Variants in INPP4B observed in about 807,000 individuals in gnomAD.
INPP4B encodes inositol polyphosphate-4-phosphatase type II B, also known as inositol polyphosphate 4-phosphatase type II.
Under a neutral mutation model 122.5 loss-of-function variants are expected in INPP4B, and 55 were observed. The observed-to-expected ratio is 0.45, with a 90% CI of 0.36 to 0.56. INPP4B has a LOEUF of 0.56. Ranked by LOEUF, INPP4B falls within the 20% of genes least tolerant of loss-of-function variation. The pLI is 0.00. For synonymous variants in INPP4B, 403 were observed against 388.7 expected (o/e 1.04, Z -0.43); for missense variants, 1,000 against 1,097.7 (o/e 0.91, Z 1.26).
intron 2 of INPP4B, among the ~76,000 whole-genome samples, chr4:142,568,779 A>G (rs1021696378): frequency 2.6e-5 from 4 of 152,168 alleles, no homozygotes; most frequent in Admixed American, 2.6e-4. Flanking sequence ...GCCACTCAGG[A>G]TTGAAGCAGA....
chr4:142,594,554 A>G (rs185400632), intron 2 of INPP4B, among the ~76,000 whole-genome samples: 1 of 152,310 alleles, frequency 6.6e-6, no homozygotes, highest in Non-Finnish European at 1.5e-5. Flanking sequence ...GGATTTAAAT[A>G]CAGACAGCCT....
At chr4:142,051,655 CT>C (rs1459011803) in intron 25 of INPP4B, among the ~76,000 whole-genome samples, 1 of 151,966 alleles carries the variant, frequency 6.6e-6, no homozygotes, top group Non-Finnish European at 1.5e-5. Context: ...CAGCGTTGCT[CT>C]ACAAGGGTTT....
intron 7 of INPP4B, chr4:142,347,331 G>C (rs988245259): frequency 6.2e-5 from 12 of 193,014 alleles, no homozygotes; most frequent in Non-Finnish European, 1.2e-4. Flanking sequence ...AAAGTCTGAG[G>C]AGTGAGTTTT....
rs113875526 is a variant in INPP4B, at chr4:142,186,913, G to A, written c.1181+6174C>T. On this transcript the variant is annotated intron_variant, in intron 15 of 25. Coordinates refer to ENST00000262992, the MANE Select transcript of INPP4B (RefSeq NM_001101669.3). ...CCTCAGCATGACTACTTAATTAAAA[G>A]CACTTTACTCTCTCTCTATGAAGAT... Among the ~76,000 whole-genome samples the A allele has an allele frequency of 3.0e-3, 455 of 152,186 alleles. 2 individuals are homozygous for A. Among genetic ancestry groups the A allele is most frequent in the African/African-American group, 0.01 (421 of 41,518 alleles).
chr4:142,117,624 A>G (rs549478607), intron 21 of INPP4B, among the ~76,000 whole-genome samples: 8 of 152,300 alleles, frequency 5.3e-5, no homozygotes, highest in African/African-American at 1.9e-4. Context: ...CTTTCATGAT[A>G]AAAACTCTCA....
chr4:142,489,871 T>G (rs1472501339), intron 2 of INPP4B, among the ~76,000 whole-genome samples: 1 of 152,206 alleles, frequency 6.6e-6, no homozygotes, highest in Admixed American at 6.5e-5. Flanking sequence ...CTTCTTATCT[T>G]CCTTCTCAGG....
chr4:142,574,943 A>T (rs961263645), intron 2 of INPP4B, among the ~76,000 whole-genome samples: 5 of 152,074 alleles, frequency 3.3e-5, no homozygotes, highest in African/African-American at 1.2e-4. Context: ...AAATGCCTGG[A>T]TGGATGAATG....
At chr4:142,803,359 CT>C (rs1487228621) in intron 1 of INPP4B, among the ~76,000 whole-genome samples, 3 of 151,642 alleles carry the variant, frequency 2.0e-5, no homozygotes, top group African/African-American at 7.3e-5. Flanking sequence ...CTCAGAAATG[CT>C]TTTTTATTAG....
At chr4:142,209,301 T>C (rs1334975790) in intron 12 of INPP4B, among the ~76,000 whole-genome samples, 2 of 152,188 alleles carry the variant, frequency 1.3e-5, no homozygotes, top group Non-Finnish European at 2.9e-5. Context: ...GCAGACTTCC[T>C]ATTCTTATAT....
At chr4:142,596,488 C>T (rs907504633) in intron 2 of INPP4B, among the ~76,000 whole-genome samples, 1 of 152,084 alleles carries the variant, frequency 6.6e-6, no homozygotes, top group Non-Finnish European at 1.5e-5. Context: ...TGACTGGGCC[C>T]AGGTAAGGCC....
chr4:142,195,908 G>A lies in INPP4B; in HGVS notation c.1073-2713C>T, dbSNP rs190761663. 1.6e-4 allele frequency among the ~76,000 whole-genome samples: 25 copies of A among 152,134 alleles called. No individual in the cohort carries two copies. In the East Asian group the frequency reaches 4.1e-3, roughly 25 times the overall value. ...GACACTTCAGCTGTTTCAGCTTTACGGTGAATCTGTGTCTTCAATTCATCC... is the reference window on the plus strand; with the variant it reads ...GACACTTCAGCTGTTTCAGCTTTACAGTGAATCTGTGTCTTCAATTCATCC... On this transcript the variant is annotated intron_variant, in intron 14 of 25. Coordinates refer to ENST00000262992, the MANE Select transcript of INPP4B (RefSeq NM_001101669.3).
At chr4:142,186,335 A>G (rs1319085587) in intron 15 of INPP4B, among the ~76,000 whole-genome samples, 1 of 152,216 alleles carries the variant, frequency 6.6e-6, no homozygotes, top group African/African-American at 2.4e-5. Context: ...TGAGGAAACT[A>G]AGGTACAGAA....
rs1382403580 is a variant in INPP4B, at chr4:142,357,281, GA to G, written c.373-42520del. The stretch of plus-strand genomic sequence containing the variant: ...ACTACTTGTGATTAGCATCTGAAGT[GA>G]GGGGCAGTCTTGTGGTACTGAGCCC... On this transcript the variant is annotated intron_variant, in intron 7 of 25. Transcript: ENST00000262992. 9.2e-5 allele frequency among the ~76,000 whole-genome samples: 14 copies of G among 152,082 alleles called. No individual in the cohort carries two copies. In the South Asian group the frequency reaches 2.9e-3, roughly 32 times the overall value.
chr4:142,417,762 A>C (rs773214138), intron 5 of INPP4B, among the ~76,000 whole-genome samples: 6 of 152,072 alleles, frequency 3.9e-5, no homozygotes, highest in Non-Finnish European at 7.4e-5. Flanking sequence ...TGAATTTTTC[A>C]GGATTTTTGA....
chr4:142,470,118 G>A (rs1342459436), intron 2 of INPP4B, among the ~76,000 whole-genome samples: 7 of 151,788 alleles, frequency 4.6e-5, no homozygotes, highest in Non-Finnish European at 1.0e-4. Flanking sequence ...AAGCTTATAA[G>A]TGCTAGAAGA....
At chr4:142,537,023 T>C (rs1047537242) in intron 2 of INPP4B, among the ~76,000 whole-genome samples, 6 of 151,864 alleles carry the variant, frequency 4.0e-5, no homozygotes, top group African/African-American at 1.5e-4. Context: ...TCTTGATCTC[T>C]TGACCTTGTG....
At chr4:142,185,088 G>A (rs572537250) in intron 15 of INPP4B, among the ~76,000 whole-genome samples, 1 of 152,260 alleles carries the variant, frequency 6.6e-6, no homozygotes, top group East Asian at 1.9e-4. Context: ...GTGGTTCTAT[G>A]TGCTAGGATT....
intron 18 of INPP4B, among the ~76,000 whole-genome samples, chr4:142,138,373 C>G (rs1437216550): frequency 9.1e-6 from 1 of 110,228 alleles, no homozygotes; most frequent in African/African-American, 3.7e-5. Flanking sequence ...ACATCACACT[C>G]TGGGGACTGT....
intron 2 of INPP4B, among the ~76,000 whole-genome samples, chr4:142,537,429 T>TATATATATATATATATATATATAGAG (rs1200701380): frequency 1.2e-4 from 3 of 25,482 alleles, no homozygotes; most frequent in African/African-American, 1.2e-4. Context: ...TATATATATA[T>TATATATATATATATATATATATAGAG]AGAGAGAGAG....
Sources: gnomAD v4.1 joint callset for allele counts (sites outside exome capture counted in the v4.1 genomes callset) on GRCh38, gnomAD v4.1.1 for gene constraint, MANE v1.5 for transcripts, NCBI Gene and HGNC (gene_info 2026-07-23, HGNC 2026-07-21) for gene names.